Variants in ALDH1A2 observed in about 807,000 individuals in gnomAD.
ALDH1A2 encodes the protein retinal dehydrogenase 2.
A neutral mutation model predicts 60.3 loss-of-function variants in ALDH1A2; 27 were observed. That is an observed-to-expected ratio of 0.45 (90% CI 0.33 to 0.62). The LOEUF is 0.62. Among genes scored for constraint, ALDH1A2 ranks in the 20% least tolerant of loss-of-function variants. The pLI is 0.02. For missense variants in ALDH1A2, 581 were observed against 643.8 expected, an observed-to-expected ratio of 0.90 and a Z score of 1.06; for synonymous variants, 289 against 232.4, an observed-to-expected ratio of 1.24 and a Z score of -2.21.
At chr15:58,040,152 C>G (rs552845858) in intron 1 of ALDH1A2, among the ~76,000 whole-genome samples, 36 of 151,832 alleles carry the variant, frequency 2.4e-4, no homozygotes, top group Non-Finnish European at 4.9e-4. Context: ...TTAAAGAATT[C>G]CAGCCAAAGC....
intron 1 of ALDH1A2, among the ~76,000 whole-genome samples, chr15:58,023,682 C>T (rs1895995821): frequency 8.5e-6 from 1 of 117,682 alleles, no homozygotes; most frequent in Non-Finnish European, 1.9e-5. Context: ...GAACTGCCAA[C>T]CCAGAATATT....
At chr15:58,061,619 A>AAAAAAAAAAAAAAAAAG (rs1897040616) in intron 1 of ALDH1A2, among the ~76,000 whole-genome samples, 1 of 150,036 alleles carries the variant, frequency 6.7e-6, no homozygotes, top group Non-Finnish European at 1.5e-5. Flanking sequence ...ACAAAAAAAA[A>AAAAAAAAAAAAAAAAAG]AAAAAAACGG....
chr15:57,981,321 C>CAG (rs1894499911), intron 7 of ALDH1A2, among the ~76,000 whole-genome samples: 1 of 145,624 alleles, frequency 6.9e-6, no homozygotes, highest in Non-Finnish European at 1.5e-5. Flanking sequence ...CACACACACA[C>CAG]ACACACAGAC....
At chr15:58,032,816 G>A (rs542327646) in intron 1 of ALDH1A2, among the ~76,000 whole-genome samples, 3 of 140,102 alleles carry the variant, frequency 2.1e-5, no homozygotes, top group Middle Eastern at 3.6e-3. Context: ...ACACACACAC[G>A]TGCGTACCCA....
intron 7 of ALDH1A2, among the ~76,000 whole-genome samples, chr15:57,981,369 A>T (rs1278245547): frequency 6.6e-6 from 1 of 151,804 alleles, no homozygotes; most frequent in African/African-American, 2.4e-5. Context: ...AATATTTGTA[A>T]AATATTTACA....
At chr15:58,035,881 G>A (rs1312245882) in intron 1 of ALDH1A2, among the ~76,000 whole-genome samples, 1 of 151,636 alleles carries the variant, frequency 6.6e-6, no homozygotes, top group East Asian at 1.9e-4. Context: ...GCATTTTGCT[G>A]ATGCTGGACA....
chr15:57,993,600 T>C (rs1427044073), intron 5 of ALDH1A2, among the ~76,000 whole-genome samples: 1 of 152,226 alleles, frequency 6.6e-6, no homozygotes, highest in Non-Finnish European at 1.5e-5. Context: ...ATAAACTGCA[T>C]ATACTGATGA....
At chr15:58,016,595 T>C (rs1006246934) in intron 1 of ALDH1A2, among the ~76,000 whole-genome samples, 1 of 152,234 alleles carries the variant, frequency 6.6e-6, no homozygotes, top group Non-Finnish European at 1.5e-5. Flanking sequence ...CTTAGTCTAT[T>C]GATCATTTTA....
At chr15:57,976,480 T>G (rs1314203387) in intron 7 of ALDH1A2, among the ~76,000 whole-genome samples, 1 of 152,160 alleles carries the variant, frequency 6.6e-6, no homozygotes, top group Non-Finnish European at 1.5e-5. Flanking sequence ...TGCATCCTCA[T>G]TGTTCAACTC....
At chr15:57,983,692 T>C (rs1364418470) in intron 7 of ALDH1A2, among the ~76,000 whole-genome samples, 1 of 152,208 alleles carries the variant, frequency 6.6e-6, no homozygotes, top group Non-Finnish European at 1.5e-5. Context: ...TTTTAGGTAA[T>C]GATGCAGAGA....
chr15:57,991,769 C>T (rs1462587678), intron 7 of ALDH1A2, among the ~76,000 whole-genome samples: 2 of 152,146 alleles, frequency 1.3e-5, no homozygotes, highest in African/African-American at 2.4e-5. Context: ...TTTTAAATGA[C>T]AAATGTTGCT....
intron 1 of ALDH1A2, among the ~76,000 whole-genome samples, chr15:58,034,111 T>C (rs901386224): frequency 1.1e-4 from 17 of 151,716 alleles, no homozygotes; most frequent in African/African-American, 4.1e-4. Flanking sequence ...AGGCTTCCTA[T>C]CGATAGTGTA....
In ALDH1A2 at chr15:57,986,633, C is replaced by T. The variant is rs973763114; in HGVS notation, c.798+6072G>A. 2.5e-4 allele frequency among the ~76,000 whole-genome samples: 36 copies of T among 142,616 alleles called. No homozygotes were observed. The Middle Eastern group carries it at 0.013, about 50-fold the overall frequency. The allele number at this position is 142,616 out of a possible 152,430, so 93.6% of individuals were successfully genotyped here. Reference sequence around the variant, plus strand: ...GAAAAACTCCAGTCAAATTCAGAGACGACAGAGAAGTTAAAAGTAACAGAC... The same window carrying T: ...GAAAAACTCCAGTCAAATTCAGAGATGACAGAGAAGTTAAAAGTAACAGAC... On this transcript the variant is annotated intron_variant, in intron 7 of 12. Coordinates refer to ENST00000249750, the MANE Select transcript of ALDH1A2 (RefSeq NM_003888.4).
chr15:58,051,355 C>T (rs1223119397), intron 1 of ALDH1A2, among the ~76,000 whole-genome samples: 1 of 136,624 alleles, frequency 7.3e-6, no homozygotes, highest in Non-Finnish European at 1.7e-5. Context: ...ACTTAATTTT[C>T]TCTTTTTATT....
intron 7 of ALDH1A2, among the ~76,000 whole-genome samples, chr15:57,977,772 G>A (rs753776111): frequency 4.6e-5 from 7 of 152,270 alleles, no homozygotes; most frequent in African/African-American, 9.6e-5. Context: ...TAGCTTGATC[G>A]GGATAGCATT....
At position 57,996,995 on chromosome 15, in the gene ALDH1A2, T is replaced by A. The variant is rs140328061; in HGVS notation, c.494-1856A>T. ...GGATATTAAGGAAATTAGGCCTCTG[T>A]CATAATATTGCAAAGATTTTTCCCC... On this transcript the variant is annotated intron_variant, in intron 4 of 12. Transcript: ENST00000249750. 5.3e-3 allele frequency among the ~76,000 whole-genome samples: 801 copies of A among 152,154 alleles called. 2 individuals carry two copies. Among genetic ancestry groups the A allele is most frequent in the Admixed American group, 0.012 (189 of 15,266 alleles).
At chr15:58,012,976 CA>C (rs1241961140) in intron 3 of ALDH1A2, among the ~76,000 whole-genome samples, 1 of 152,110 alleles carries the variant, frequency 6.6e-6, no homozygotes, top group East Asian at 1.9e-4. Flanking sequence ...TTTCAGTTTC[CA>C]AAAAGTTTAT....
intron 8 of ALDH1A2, among the ~76,000 whole-genome samples, chr15:57,965,333 C>A (rs780310439): frequency 6.6e-6 from 1 of 152,134 alleles, no homozygotes; most frequent in Non-Finnish European, 1.5e-5. Context: ...CTGGTCAAGT[C>A]GGATTTATTT....
chr15:58,021,849 A>G (rs988233238), intron 1 of ALDH1A2, among the ~76,000 whole-genome samples: 8 of 152,346 alleles, frequency 5.3e-5, no homozygotes, highest in Non-Finnish European at 1.2e-4. Context: ...GCTGAGATCT[A>G]AGATGGAGAC....
Sources: gnomAD v4.1 joint callset for allele counts (sites outside exome capture counted in the v4.1 genomes callset) on GRCh38, gnomAD v4.1.1 for gene constraint, MANE v1.5 for transcripts, NCBI Gene and HGNC (gene_info 2026-07-23, HGNC 2026-07-21) for gene names.